CDK17: variants seen among roughly 807,000 people sequenced by gnomAD.
CDK17 encodes cyclin-dependent kinase 17.
Under a neutral mutation model 77.6 loss-of-function variants are expected in CDK17, and 24 were observed. The observed-to-expected ratio is 0.31, with a 90% CI of 0.22 to 0.44. CDK17 has a LOEUF of 0.44. Ranked by LOEUF, CDK17 falls within the 20% of genes least tolerant of loss-of-function variation. The pLI is 1.00. For missense variants in CDK17, 429 were observed against 622.5 expected, an observed-to-expected ratio of 0.69 and a Z score of 3.31; for synonymous variants, 203 against 210.4, an observed-to-expected ratio of 0.96 and a Z score of 0.30.
intron 3 of CDK17, among the ~76,000 whole-genome samples, chr12:96,315,755 T>G (rs1952704718): frequency 6.6e-6 from 1 of 152,112 alleles, no homozygotes; most frequent in Non-Finnish European, 1.5e-5. Context: ...ATACATAAAT[T>G]GACTCTATCA....
intron 1 of CDK17, among the ~76,000 whole-genome samples, chr12:96,340,008 C>T (rs1169433893): frequency 6.6e-6 from 1 of 151,814 alleles, no homozygotes; most frequent in Non-Finnish European, 1.5e-5. Flanking sequence ...ATTAACTCTG[C>T]CTTTTAAAAA....
chr12:96,366,762 T>A (rs528321567), intron 1 of CDK17, among the ~76,000 whole-genome samples: 1 of 152,200 alleles, frequency 6.6e-6, no homozygotes, highest in Admixed American at 6.5e-5. Flanking sequence ...TATAGATAGC[T>A]CAATACCATC....
intron 1 of CDK17, among the ~76,000 whole-genome samples, chr12:96,373,213 C>G (rs1302768926): frequency 6.6e-6 from 1 of 152,150 alleles, no homozygotes; most frequent in East Asian, 1.9e-4. Context: ...AGGTTCAAAT[C>G]CTGATTCCTT....
chr12:96,351,167 A>T (rs1242062418), intron 1 of CDK17, among the ~76,000 whole-genome samples: 3 of 152,224 alleles, frequency 2.0e-5, no homozygotes, highest in African/African-American at 7.2e-5. Flanking sequence ...GGCTACTATC[A>T]AACAGAAAGC....
At chr12:96,292,314 C>T (rs1168467576) in intron 10 of CDK17, among the ~76,000 whole-genome samples, 1 of 152,004 alleles carries the variant, frequency 6.6e-6, no homozygotes, top group African/African-American at 2.4e-5. Context: ...CATAAAACTA[C>T]CATAATCAAA....
chr12:96,295,141 A>G lies in CDK17; in HGVS notation c.874-19T>C. On this transcript the variant is annotated intron_variant, in intron 9 of 16. Coordinates refer to ENST00000261211, the MANE Select transcript of CDK17 (RefSeq NM_002595.5). ...GAAACAGCTACAGAAACAAATAAATAAAAATTAGTCTTAAAGATGAGACAT... is the reference window on the plus strand; with the variant it reads ...GAAACAGCTACAGAAACAAATAAATGAAAATTAGTCTTAAAGATGAGACAT... 6.3e-7 allele frequency: 1 copy of G among 1,580,922 alleles called. No homozygotes were observed. Among genetic ancestry groups the G allele is most frequent in the South Asian group, 1.2e-5 (1 of 86,290 alleles).
At chr12:96,397,861 A>C (rs1954196199) in intron 1 of CDK17, among the ~76,000 whole-genome samples, 1 of 152,210 alleles carries the variant, frequency 6.6e-6, no homozygotes, top group Non-Finnish European at 1.5e-5. Context: ...AAAATGTTTT[A>C]AGTGGTGGAG....
intron 1 of CDK17, among the ~76,000 whole-genome samples, chr12:96,354,232 T>A (rs1472400880): frequency 6.6e-6 from 1 of 152,112 alleles, no homozygotes; most frequent in Non-Finnish European, 1.5e-5. Context: ...GGTCTTAAAA[T>A]TTCACCTTAG....
chr12:96,290,094 T>G (rs1301697914), intron 10 of CDK17, among the ~76,000 whole-genome samples: 2 of 152,192 alleles, frequency 1.3e-5, no homozygotes, highest in Non-Finnish European at 2.9e-5. Context: ...TGGGCTGCAT[T>G]CAAAGCCATC....
intron 10 of CDK17, among the ~76,000 whole-genome samples, chr12:96,289,932 G>A (rs1347023838): frequency 1.3e-5 from 2 of 152,004 alleles, no homozygotes; most frequent in African/African-American, 4.8e-5. Flanking sequence ...TTACGTCAGG[G>A]GTGTCCAATC....
At chr12:96,349,488 C>A (rs1953278484) in intron 1 of CDK17, among the ~76,000 whole-genome samples, 1 of 139,548 alleles carries the variant, frequency 7.2e-6, no homozygotes. Flanking sequence ...TAATACATCA[C>A]ATTAGCAAAA....
Position 96,300,351 on chromosome 12 carries a change from C to A in CDK17, c.553G>T (p.Gly185Cys). 1 of 1,578,682 alleles carries A rather than the reference C, an allele frequency of 6.3e-7. No individual in the cohort carries two copies. The highest frequency in any genetic ancestry group is 8.7e-7 in the Non-Finnish European group (1 of 1,154,908). The change falls in exon 6 of 17, where the codon GGC (glycine) becomes TGC (cysteine). Residue 185 changes from glycine (G) to cysteine (C), a missense_variant. Physicochemically the swap from Gly to Cys is radical, Grantham distance 159. This residue lies in a region of CDK17 where 262 missense variants were observed against 385.4 expected (regional missense o/e 0.68). Coordinates refer to ENST00000261211, the MANE Select transcript of CDK17 (RefSeq NM_002595.5). Reference sequence around the variant, plus strand: ...ATGTAGGTTTCCATTTTTCCAAAGCCAATTTCTGACTGAAAAGTAAACAAT... The same window carrying A: ...ATGTAGGTTTCCATTTTTCCAAAGCAAATTTCTGACTGAAAAGTAAACAAT... ...RSRRASLSEI[G>C]FGKMETYIKL...
chr12:96,280,382 A>G, intron 16 of CDK17, 103 bp from the exon 17 acceptor site: 1 of 1,509,810 alleles, frequency 6.6e-7, no homozygotes, highest in Non-Finnish European at 8.9e-7. Context: ...GCAAAAGCTA[A>G]TATTCCATGG....
chr12:96,323,460 CA>C (rs952326997), intron 3 of CDK17, among the ~76,000 whole-genome samples: 1 of 147,944 alleles, frequency 6.8e-6, no homozygotes, highest in South Asian at 2.1e-4. Context: ...GACACTGTCT[CA>C]AAAAAAATAA....
At chr12:96,318,729 T>C (rs1468228501) in intron 3 of CDK17, among the ~76,000 whole-genome samples, 7 of 146,380 alleles carry the variant, frequency 4.8e-5, no homozygotes, top group African/African-American at 1.8e-4. Flanking sequence ...AAGGCAGAAA[T>C]AAAGATGTTC....
At chr12:96,290,787 C>T (rs191681281) in intron 10 of CDK17, among the ~76,000 whole-genome samples, 74 of 152,258 alleles carry the variant, frequency 4.9e-4, no homozygotes, top group Middle Eastern at 3.4e-3. Flanking sequence ...GTTATAGTTT[C>T]CTCAGTATCC....
chr12:96,393,755 C>T (rs1364441716), intron 1 of CDK17, among the ~76,000 whole-genome samples: 4 of 152,042 alleles, frequency 2.6e-5, no homozygotes, highest in Admixed American at 2.0e-4. Context: ...AACACACACA[C>T]ACATACTCAA....
chr12:96,370,896 A>C (rs547041975), intron 1 of CDK17, among the ~76,000 whole-genome samples: 1 of 152,286 alleles, frequency 6.6e-6, no homozygotes, highest in South Asian at 2.1e-4. Flanking sequence ...ATCATTTCTG[A>C]AACGTTTAAG....
chr12:96,352,011 A>C (rs1245178255), intron 1 of CDK17, among the ~76,000 whole-genome samples: 1 of 152,246 alleles, frequency 6.6e-6, no homozygotes, highest in Non-Finnish European at 1.5e-5. Context: ...TTCTAGAGGA[A>C]CAAGCCCTTT....
Sources: allele counts gnomAD v4.1 joint callset (sites outside exome capture counted in the v4.1 genomes callset), GRCh38; gene constraint gnomAD v4.1.1; regional missense constraint gnomAD v4.1.1; transcripts MANE v1.5; gene names NCBI Gene and HGNC (gene_info 2026-07-23, HGNC 2026-07-21).